PGCKA1: variants seen among roughly 807,000 people sequenced by gnomAD.
PGCKA1 encodes PDCD10 and GCKIII kinases-associated protein 1.
chr4:37,550,325 A>T, the PGCKA1 span, among the ~76,000 whole-genome samples: 1 of 151,862 alleles, frequency 6.6e-6, no homozygotes, highest in Non-Finnish European at 1.5e-5. Flanking sequence ...AGCAAGGAAT[A>T]GGGTGCAGTT....
the PGCKA1 span, among the ~76,000 whole-genome samples, chr4:37,555,830 G>T: frequency 6.6e-6 from 1 of 152,080 alleles, no homozygotes; most frequent in African/African-American, 2.4e-5. Context: ...CACAGATGTA[G>T]ATGTTCAAAT....
At chr4:37,488,049 T>C in the PGCKA1 span, among the ~76,000 whole-genome samples, 6 of 152,180 alleles carry the variant, frequency 3.9e-5, no homozygotes, top group African/African-American at 1.4e-4. Context: ...TGTGTAAATA[T>C]CTAGGAGTGG....
chr4:37,507,324 C>A, the PGCKA1 span, among the ~76,000 whole-genome samples: 1 of 151,904 alleles, frequency 6.6e-6, no homozygotes, highest in African/African-American at 2.4e-5. Flanking sequence ...TTTGTTATTT[C>A]TTTTCTGGTT....
At chr4:37,472,222 T>C in the PGCKA1 span, among the ~76,000 whole-genome samples, 1 of 152,212 alleles carries the variant, frequency 6.6e-6, no homozygotes, top group Non-Finnish European at 1.5e-5. Flanking sequence ...TTTATCTACA[T>C]CTGCATCAGT....
At chr4:37,479,655 G>A in the PGCKA1 span, among the ~76,000 whole-genome samples, 1 of 152,324 alleles carries the variant, frequency 6.6e-6, no homozygotes, top group South Asian at 2.1e-4. Context: ...TCGGTGGCAG[G>A]CAGCAGCAAC....
At chr4:37,577,017 C>T in the PGCKA1 span, among the ~76,000 whole-genome samples, 127 of 152,252 alleles carry the variant, frequency 8.3e-4, no homozygotes, top group African/African-American at 2.9e-3. Flanking sequence ...CATTGACACT[C>T]ATCAGGGATA....
chr4:37,546,894 C>T, the PGCKA1 span, among the ~76,000 whole-genome samples: 2 of 152,366 alleles, frequency 1.3e-5, no homozygotes, highest in East Asian at 3.9e-4. Context: ...AAGGAACTGG[C>T]ATTTAGAGTC....
At chr4:37,568,592 C>T in the PGCKA1 span, among the ~76,000 whole-genome samples, 1 of 152,184 alleles carries the variant, frequency 6.6e-6, no homozygotes, top group Non-Finnish European at 1.5e-5. Context: ...AGAACTTGGC[C>T]TTTTATCATT....
the PGCKA1 span, among the ~76,000 whole-genome samples, chr4:37,570,236 G>A: frequency 7.1e-6 from 1 of 141,698 alleles, no homozygotes; most frequent in African/African-American, 2.7e-5. Context: ...CTGACCTTTT[G>A]AGCCGCCGAC....
At chr4:37,589,024 A>G in the PGCKA1 span, 2 of 687,310 alleles carry the variant, frequency 2.9e-6, no homozygotes, top group Admixed American at 4.8e-5. Flanking sequence ...TTGCCAACAC[A>G]TTAAGAGTTT....
chr4:37,461,171 C>T, the PGCKA1 span: 6 of 169,654 alleles, frequency 3.5e-5, no homozygotes. Context: ...TTTCTGAGGT[C>T]TCTATATCTG....
chr4:37,548,001 C>CA, the PGCKA1 span, among the ~76,000 whole-genome samples: 1,179 of 115,692 alleles, frequency 0.01, 13 homozygotes, highest in African/African-American at 0.034. Context: ...TGGTTATCTT[C>CA]AAAAAAAAAA....
At chr4:37,462,814 G>A in the PGCKA1 span, among the ~76,000 whole-genome samples, 3 of 151,884 alleles carry the variant, frequency 2.0e-5, no homozygotes, top group African/African-American at 7.3e-5. Flanking sequence ...CTAACACAGT[G>A]AAACCCCATC....
chr4:37,576,741 G>A, the PGCKA1 span, among the ~76,000 whole-genome samples: 20 of 152,020 alleles, frequency 1.3e-4, no homozygotes, highest in African/African-American at 3.9e-4. Context: ...TTATTATGTC[G>A]AGGTATGTTC....
chr4:37,533,653 A>G, the PGCKA1 span, among the ~76,000 whole-genome samples: 1 of 152,004 alleles, frequency 6.6e-6, no homozygotes, highest in East Asian at 1.9e-4. Context: ...TGAAAAAAAC[A>G]ACAACTAAAG....
chr4:37,460,814 T>C, the PGCKA1 span: 1 of 341,986 alleles, frequency 2.9e-6, no homozygotes, highest in Non-Finnish European at 5.6e-6. Flanking sequence ...TAGTTTCTTT[T>C]GCTGTGCAGA....
the PGCKA1 span, among the ~76,000 whole-genome samples, chr4:37,567,015 G>A: frequency 6.6e-6 from 1 of 151,952 alleles, no homozygotes; most frequent in Non-Finnish European, 1.5e-5. Context: ...GTTCTCTCTT[G>A]CAAAAGCTAT....
At chr4:37,521,221 T>G in the PGCKA1 span, among the ~76,000 whole-genome samples, 15 of 152,202 alleles carry the variant, frequency 9.9e-5, no homozygotes, top group Non-Finnish European at 2.1e-4. Flanking sequence ...CTCTTAGTAT[T>G]GCTTTTGCTG....
the PGCKA1 span, among the ~76,000 whole-genome samples, chr4:37,582,528 A>C: frequency 6.6e-6 from 1 of 152,230 alleles, no homozygotes; most frequent in African/African-American, 2.4e-5. Context: ...ATGTCTCTTA[A>C]ATCTCCTTGA....
Sources: allele counts gnomAD v4.1 joint callset (sites outside exome capture counted in the v4.1 genomes callset), GRCh38; gene constraint gnomAD v4.1.1; transcripts MANE v1.5; gene names NCBI Gene and HGNC (gene_info 2026-07-23, HGNC 2026-07-21).